The following UNC5D variants were observed in gnomAD, a reference collection of about 807,000 sequenced individuals.
UNC5D encodes unc-5 netrin receptor D, also known as netrin receptor UNC5D.
A neutral mutation model predicts 105.4 loss-of-function variants in UNC5D; 39 were observed. The ratio of observed to expected loss-of-function variants is 0.37; its 90% CI spans 0.29 to 0.48. The LOEUF (loss-of-function observed/expected upper bound fraction) is 0.48. Among genes scored for constraint, UNC5D ranks in the 20% least tolerant of loss-of-function variants. The probability of loss-of-function intolerance (pLI) is 0.98; values close to 1 mark genes in which losing one functional copy is unlikely to be tolerated. For missense variants in UNC5D, 991 were observed against 1,202.4 expected (o/e 0.82, Z 2.60); for synonymous variants, 452 against 450.4 (o/e 1.00, Z -0.04).
chr8:35,683,374 T>G (rs1405662622), intron 4 of UNC5D, among the ~76,000 whole-genome samples, 173 bp from the exon 5 acceptor site: 1 of 152,204 alleles, frequency 6.6e-6, no homozygotes, highest in Non-Finnish European at 1.5e-5. Context: ...TTCCTGAATA[T>G]AACCAAATTT....
At chr8:35,457,983 G>T (rs1256995260) in intron 1 of UNC5D, among the ~76,000 whole-genome samples, 1 of 152,140 alleles carries the variant, frequency 6.6e-6, no homozygotes, top group Non-Finnish European at 1.5e-5. Context: ...CAAAGTTGAG[G>T]TAAAGCATGT....
chr8:35,607,192 T>C (rs1218758466), intron 4 of UNC5D, among the ~76,000 whole-genome samples: 2 of 152,202 alleles, frequency 1.3e-5, no homozygotes, highest in Non-Finnish European at 2.9e-5. Context: ...GGGAGAGCTG[T>C]GGAACGAGGG....
chr8:35,739,145 A>G (rs1320401367), intron 11 of UNC5D, among the ~76,000 whole-genome samples: 1 of 152,180 alleles, frequency 6.6e-6, no homozygotes, highest in Non-Finnish European at 1.5e-5. Flanking sequence ...GTGTAACAAA[A>G]AGGGCAATTT....
intron 1 of UNC5D, among the ~76,000 whole-genome samples, chr8:35,401,259 G>A (rs1246861561): frequency 1.3e-5 from 2 of 152,164 alleles, no homozygotes; most frequent in African/African-American, 2.4e-5. Context: ...TGAGGTGGGA[G>A]GATTACCTGA....
intron 8 of UNC5D, among the ~76,000 whole-genome samples, chr8:35,708,678 C>T (rs1827753647): frequency 6.6e-6 from 1 of 152,100 alleles, no homozygotes; most frequent in African/African-American, 2.4e-5. Flanking sequence ...GTAAGTTCAC[C>T]TGAAGGGGTG....
intron 1 of UNC5D, among the ~76,000 whole-genome samples, chr8:35,356,509 A>G (rs929305840): frequency 2.6e-4 from 40 of 152,256 alleles, no homozygotes; most frequent in African/African-American, 9.1e-4. Flanking sequence ...TCTGTGGCCA[A>G]TCATATTTCA....
At chr8:35,432,812 G>A (rs1427463723) in intron 1 of UNC5D, among the ~76,000 whole-genome samples, 3 of 152,104 alleles carry the variant, frequency 2.0e-5, no homozygotes, top group African/African-American at 7.2e-5. Flanking sequence ...CTGTCCTGCC[G>A]GAGTACTTTG....
chr8:35,494,710 A>G (rs982296977), intron 1 of UNC5D, among the ~76,000 whole-genome samples: 2 of 152,204 alleles, frequency 1.3e-5, no homozygotes, highest in Admixed American at 1.3e-4. Context: ...TTCAGACACA[A>G]TTGTCCAGAA....
chr8:35,726,464 G>A lies in UNC5D; in HGVS notation c.1616G>A (p.Arg539Lys), dbSNP rs767045698. The A allele has an allele frequency of 1.1e-5, 18 of 1,613,974 alleles. No homozygotes were observed. Among genetic ancestry groups the A allele is most frequent in the Non-Finnish European group, 1.2e-5 (14 of 1,180,014 alleles). The change falls in exon 10 of 17, where the codon AGG (arginine) becomes AAG (lysine). Residue 539 changes from arginine to lysine, a missense_variant. This residue lies in a region of UNC5D where 944 missense variants were observed against 1,131.6 expected (regional missense o/e 0.83). Coordinates refer to ENST00000404895, the MANE Select transcript of UNC5D (RefSeq NM_080872.4). The stretch of plus-strand genomic sequence containing the variant: ...CAAAATCTGTCATCACTCCCCACAA[G>A]GACAGAACTGAGGACAACTGGTGTC... ...YIQNLSSLPTRTELRTTGVFG... is the reference protein window; with the variant it reads ...YIQNLSSLPTKTELRTTGVFG...
At chr8:35,774,595 T>C (rs1023872955) in intron 16 of UNC5D, 118 bp downstream of exon 16, 10 of 1,323,468 alleles carry the variant, frequency 7.6e-6, no homozygotes, top group Non-Finnish European at 2.1e-6. Context: ...CCTCTGGCCA[T>C]ATTTCCTGTG....
chr8:35,513,397 T>G (rs1367729348), intron 1 of UNC5D, among the ~76,000 whole-genome samples: 1 of 151,972 alleles, frequency 6.6e-6, no homozygotes, highest in East Asian at 1.9e-4. Context: ...CCTGGCTGAT[T>G]TTTTTGCATT....
At chr8:35,562,557 A>G (rs1817036910) in intron 2 of UNC5D, among the ~76,000 whole-genome samples, 2 of 151,914 alleles carry the variant, frequency 1.3e-5, no homozygotes, top group East Asian at 3.9e-4. Flanking sequence ...TTTGATTTGC[A>G]TTTCCCTGAT....
chr8:35,700,630 G>A (rs1827125862), intron 7 of UNC5D, among the ~76,000 whole-genome samples: 1 of 152,176 alleles, frequency 6.6e-6, no homozygotes, highest in Admixed American at 6.5e-5. Flanking sequence ...GAAGAGGGAA[G>A]GGCTTCCCAA....
At chr8:35,456,960 C>A (rs1210250986) in intron 1 of UNC5D, among the ~76,000 whole-genome samples, 2 of 152,180 alleles carry the variant, frequency 1.3e-5, no homozygotes, top group African/African-American at 4.8e-5. Flanking sequence ...GCATGAAATG[C>A]CTCTACCTAT....
chr8:35,401,185 GGTGGCTCAAAATGAGGGGCCAGGTGCA>G (rs1290355498), intron 1 of UNC5D, among the ~76,000 whole-genome samples: 4 of 152,012 alleles, frequency 2.6e-5, no homozygotes, highest in South Asian at 2.1e-4. Context: ...GTCCAGGTGC[GGTGGCTCAAAATGAGGGGCCAGGTGCA>G]GTGGTTCACA....
chr8:35,386,839 C>T (rs1043319075), intron 1 of UNC5D, among the ~76,000 whole-genome samples: 1 of 152,082 alleles, frequency 6.6e-6, no homozygotes, highest in Non-Finnish European at 1.5e-5. Context: ...GTAGAAAATG[C>T]TATAGATAGG....
chr8:35,620,001 C>G (rs182556265), intron 4 of UNC5D, among the ~76,000 whole-genome samples: 1 of 152,266 alleles, frequency 6.6e-6, no homozygotes, highest in African/African-American at 2.4e-5. Context: ...TCAGCTCATT[C>G]GCTCAGCACA....
At chr8:35,308,452 G>C (rs1808610717) in intron 1 of UNC5D, among the ~76,000 whole-genome samples, 1 of 151,978 alleles carries the variant, frequency 6.6e-6, no homozygotes, top group Admixed American at 6.6e-5. Context: ...ATTCATTTGG[G>C]CCCTATTACA....
At chr8:35,297,497 A>T (rs985675191) in intron 1 of UNC5D, among the ~76,000 whole-genome samples, 7 of 152,094 alleles carry the variant, frequency 4.6e-5, no homozygotes, top group Non-Finnish European at 1.5e-5. Flanking sequence ...TCTATTGATG[A>T]TATTGTTCCC....
Sources: allele counts gnomAD v4.1 joint callset (sites outside exome capture counted in the v4.1 genomes callset), GRCh38; gene constraint gnomAD v4.1.1; regional missense constraint gnomAD v4.1.1; transcripts MANE v1.5; gene names NCBI Gene and HGNC (gene_info 2026-07-23, HGNC 2026-07-21).